TAFA4: variants seen among roughly 807,000 people sequenced by gnomAD.
The protein encoded by TAFA4 is TAFA chemokine like family member 4, also known as chemokine-like protein TAFA-4.
Under a neutral mutation model 21.1 loss-of-function variants are expected in TAFA4, and 20 were observed. That is an observed-to-expected ratio of 0.95 (90% CI 0.67 to 1.38). TAFA4 has a LOEUF of 1.38. TAFA4 is among the 40% of genes most tolerant of loss of function. The probability of loss-of-function intolerance (pLI) is 0.00; values close to 1 mark genes in which losing one functional copy is unlikely to be tolerated. For missense variants in TAFA4, 211 were observed against 180.9 expected, an observed-to-expected ratio of 1.17 and a Z score of -0.95; for synonymous variants, 71 against 67.4, an observed-to-expected ratio of 1.05 and a Z score of -0.26.
chr3:68,910,773 G>A (rs563939073), intron 1 of TAFA4, among the ~76,000 whole-genome samples: 2 of 152,314 alleles, frequency 1.3e-5, no homozygotes, highest in African/African-American at 4.8e-5. Flanking sequence ...TTTGCAGGGA[G>A]TTATTCTGAC....
chr3:68,799,368 T>C (rs892839170), intron 3 of TAFA4, among the ~76,000 whole-genome samples: 2 of 152,070 alleles, frequency 1.3e-5, no homozygotes, highest in African/African-American at 2.4e-5. Context: ...GCAGTCCCTT[T>C]CATAAGGGTA....
intron 1 of TAFA4, among the ~76,000 whole-genome samples, chr3:68,902,729 CAT>C (rs1375129903): frequency 1.3e-5 from 2 of 152,130 alleles, no homozygotes; most frequent in Non-Finnish European, 2.9e-5. Flanking sequence ...CCTCTATTAA[CAT>C]GTTTCCCTTA....
intron 3 of TAFA4, among the ~76,000 whole-genome samples, chr3:68,865,532 C>G (rs532451571): frequency 2.0e-4 from 30 of 152,206 alleles, no homozygotes; most frequent in African/African-American, 7.2e-4. Context: ...GTAAAACATG[C>G]CTTTTCTCCT....
At chr3:68,768,354 A>T (rs1227249753) in intron 3 of TAFA4, among the ~76,000 whole-genome samples, 1 of 152,204 alleles carries the variant, frequency 6.6e-6, no homozygotes, top group Admixed American at 6.5e-5. Context: ...ATATGAAAAA[A>T]TGCTCAACAT....
chr3:68,872,709 T>C lies in TAFA4; in HGVS notation c.130+8021A>G, dbSNP rs115202839. Reference sequence around the variant, plus strand: ...TATGTAGCAATAATAAATAAGAAAATGCATTAAATTCCAGACATAATACCA... The same window carrying C: ...TATGTAGCAATAATAAATAAGAAAACGCATTAAATTCCAGACATAATACCA... On this transcript the variant is annotated intron_variant, in intron 3 of 5. Coordinates refer to ENST00000295569, the MANE Select transcript of TAFA4 (RefSeq NM_182522.5). Among the ~76,000 whole-genome samples the C allele has an allele frequency of 9.5e-3, 1,438 of 152,042 alleles. 16 individuals carry two copies. Among genetic ancestry groups the C allele is most frequent in the African/African-American group, 0.028 (1,151 of 41,486 alleles).
chr3:68,901,695 T>C (rs146494200), intron 1 of TAFA4, among the ~76,000 whole-genome samples: 4 of 152,330 alleles, frequency 2.6e-5, no homozygotes, highest in African/African-American at 9.6e-5. Context: ...GAAAGTTATA[T>C]TGAATAGCAC....
chr3:68,797,728 G>A (rs923046105), intron 3 of TAFA4, among the ~76,000 whole-genome samples: 11 of 151,836 alleles, frequency 7.2e-5, no homozygotes, highest in African/African-American at 2.2e-4. Flanking sequence ...TACCATACGA[G>A]GTACCTAGAG....
chr3:68,853,693 T>G (rs1027732904), intron 3 of TAFA4, among the ~76,000 whole-genome samples: 1 of 152,152 alleles, frequency 6.6e-6, no homozygotes, highest in Admixed American at 6.6e-5. Context: ...TATTTACTGA[T>G]TGTCTGCTAG....
chr3:68,800,940 C>T (rs1207898047), intron 3 of TAFA4, among the ~76,000 whole-genome samples: 1 of 152,116 alleles, frequency 6.6e-6, no homozygotes, highest in Non-Finnish European at 1.5e-5. Flanking sequence ...AAGCTGTGGG[C>T]AAGAGGCAGG....
intron 1 of TAFA4, among the ~76,000 whole-genome samples, chr3:68,903,298 A>T (rs369405377): frequency 3.9e-5 from 6 of 152,150 alleles, no homozygotes; most frequent in Admixed American, 1.3e-4. Context: ...ATAAACCGGG[A>T]TGAGAAAAAA....
At chr3:68,747,987 C>G (rs1246098279) in intron 4 of TAFA4, among the ~76,000 whole-genome samples, 2 of 152,168 alleles carry the variant, frequency 1.3e-5, no homozygotes, top group Admixed American at 1.3e-4. Flanking sequence ...CTGACTCCCT[C>G]CACCATCATA....
In TAFA4 at chr3:68,893,047, G is replaced by A. The variant is rs570993486; in HGVS notation, c.-122-7737C>T. 3.1e-4 allele frequency among the ~76,000 whole-genome samples: 47 copies of A among 152,226 alleles called. No homozygotes were observed. The South Asian group carries it at 4.6e-3, about 15-fold the overall frequency. ...ACAATTTAGCCATAAATCTCTCAAG[G>A]CCCAATTATCCTTACTGCAGAGGGT... On this transcript the variant is annotated intron_variant, in intron 1 of 5. Coordinates refer to ENST00000295569, the MANE Select transcript of TAFA4 (RefSeq NM_182522.5).
intron 3 of TAFA4, among the ~76,000 whole-genome samples, chr3:68,789,175 G>A (rs1486517172): frequency 6.6e-6 from 1 of 151,336 alleles, no homozygotes; most frequent in Non-Finnish European, 1.5e-5. Flanking sequence ...AGCTTACAGT[G>A]AGCTGGGATC....
chr3:68,830,998 C>T (rs1452457176), intron 3 of TAFA4, among the ~76,000 whole-genome samples: 1 of 152,126 alleles, frequency 6.6e-6, no homozygotes, highest in Non-Finnish European at 1.5e-5. Flanking sequence ...TTATCAGAGA[C>T]CAGGATTGCA....
chr3:68,827,896 T>C (rs971193389), intron 3 of TAFA4, among the ~76,000 whole-genome samples: 4 of 152,214 alleles, frequency 2.6e-5, no homozygotes, highest in African/African-American at 9.6e-5. Flanking sequence ...TTAGATCCCA[T>C]TTGTCAAGTT....
chr3:68,791,313 T>C (rs1324244649), intron 3 of TAFA4, among the ~76,000 whole-genome samples: 1 of 152,098 alleles, frequency 6.6e-6, no homozygotes, highest in Non-Finnish European at 1.5e-5. Context: ...AAGAGGAAAA[T>C]GTCATGTGAA....
At chr3:68,855,982 G>A (rs999897256) in intron 3 of TAFA4, among the ~76,000 whole-genome samples, 1 of 152,082 alleles carries the variant, frequency 6.6e-6, no homozygotes, top group African/African-American at 2.4e-5. Context: ...AAAGAGCTGT[G>A]TTCCCACCAC....
intron 1 of TAFA4, among the ~76,000 whole-genome samples, chr3:68,888,828 T>C (rs775258152): frequency 2.0e-5 from 3 of 151,990 alleles, no homozygotes; most frequent in Non-Finnish European, 4.4e-5. Flanking sequence ...AATCCATTCA[T>C]GAGGGTGGAG....
rs1040140428 is a variant in TAFA4 at position 68,762,648 on chromosome 3, G to A, written c.131-9630C>T. On this transcript the variant is annotated intron_variant, in intron 3 of 5. Transcript: ENST00000295569. ...AAAACTAGTCCCCACTCAACACCAG[G>A]TGCTGTCCTGTTAAGTCTGTCTATC... Among the ~76,000 whole-genome samples, 6 of 152,210 alleles carry A rather than the reference G, an allele frequency of 3.9e-5. 1 individual carries two copies. Among genetic ancestry groups the A allele is most frequent in the Admixed American group, 3.9e-4 (6 of 15,280 alleles).
Sources: gnomAD v4.1 joint callset for allele counts (sites outside exome capture counted in the v4.1 genomes callset) on GRCh38, gnomAD v4.1.1 for gene constraint, MANE v1.5 for transcripts, NCBI Gene and HGNC (gene_info 2026-07-23, HGNC 2026-07-21) for gene names.